Variants in TCF7L2 observed in about 807,000 individuals in gnomAD.
The protein encoded by TCF7L2 is transcription factor 7-like 2.
A neutral mutation model predicts 77.9 loss-of-function variants in TCF7L2; 23 were observed. The ratio of observed to expected loss-of-function variants is 0.30; its 90% CI spans 0.21 to 0.42. The LOEUF (loss-of-function observed/expected upper bound fraction) is 0.42. Among genes scored for constraint, TCF7L2 ranks in the 10% least tolerant of loss-of-function variants. TCF7L2 has a pLI of 1.00. For missense variants in TCF7L2, 654 were observed against 793.1 expected (o/e 0.82, Z 2.11); for synonymous variants, 413 against 340.2 (o/e 1.21, Z -2.36).
At chr10:113,093,423 G>A (rs2060606447) in intron 5 of TCF7L2, among the ~76,000 whole-genome samples, 1 of 152,204 alleles carries the variant, frequency 6.6e-6, no homozygotes, top group Non-Finnish European at 1.5e-5. Context: ...CTTGTTCAGG[G>A]AGAAGGTGTT....
chr10:113,082,677 A>C (rs2059431357), intron 5 of TCF7L2, among the ~76,000 whole-genome samples: 2 of 152,098 alleles, frequency 1.3e-5, no homozygotes, highest in South Asian at 4.2e-4. Context: ...TATTTTAATA[A>C]ATTTACCCTC....
intron 5 of TCF7L2, chr10:113,129,387 A>AG (rs1239249257): frequency 1.0e-6 from 1 of 992,552 alleles, no homozygotes; most frequent in African/African-American, 1.7e-5. Context: ...CGGGTGAGGG[A>AG]GGGGACTTTG....
chr10:113,152,518 T>G (rs1167748958), intron 11 of TCF7L2, 78 bp downstream of exon 11: 5 of 1,263,180 alleles, frequency 4.0e-6, no homozygotes, highest in Non-Finnish European at 5.6e-6. Context: ...GAACAGGACC[T>G]GCCACTTGAC....
chr10:113,074,666 G>A (rs995093587), intron 5 of TCF7L2, among the ~76,000 whole-genome samples: 1 of 152,130 alleles, frequency 6.6e-6, no homozygotes, highest in Non-Finnish European at 1.5e-5. Flanking sequence ...TGAATGGGAT[G>A]GTTTTAATGT....
intron 4 of TCF7L2, among the ~76,000 whole-genome samples, chr10:112,992,234 G>C (rs1026163509): frequency 1.3e-5 from 2 of 152,196 alleles, no homozygotes; most frequent in African/African-American, 4.8e-5. Flanking sequence ...CAAGCGCAGA[G>C]AAAGCTCTGC....
At chr10:113,129,377 C>T (rs778701224) in intron 5 of TCF7L2, 68 of 990,638 alleles carry the variant, frequency 6.9e-5, no homozygotes, top group South Asian at 1.4e-4. Context: ...CCCAAGGTAA[C>T]GGGTGAGGGA....
chr10:113,018,444 CTT>C (rs35916053), intron 4 of TCF7L2, among the ~76,000 whole-genome samples: 14 of 92,546 alleles, frequency 1.5e-4, no homozygotes, highest in Admixed American at 3.7e-4. Context: ...CTCCTGAGTC[CTT>C]TTTTTTTTTT....
At chr10:112,964,724 A>G (rs906164762) in intron 4 of TCF7L2, 100 bp downstream of exon 4, 1 of 810,792 alleles carries the variant, frequency 1.2e-6, no homozygotes, top group Admixed American at 2.4e-5. Flanking sequence ...AATGATGATG[A>G]TGATGATGAT....
At chr10:112,991,676 A>T (rs1285046382) in intron 4 of TCF7L2, among the ~76,000 whole-genome samples, 1 of 152,078 alleles carries the variant, frequency 6.6e-6, no homozygotes, top group East Asian at 1.9e-4. Context: ...GGCTTGTTAC[A>T]TATGGAGCAG....
chr10:113,165,285 G>A (rs1307781029), intron 13 of TCF7L2, among the ~76,000 whole-genome samples: 2 of 152,180 alleles, frequency 1.3e-5, no homozygotes, highest in South Asian at 2.1e-4. Flanking sequence ...GGGCATGGTG[G>A]GGCATGGGTG....
chr10:113,003,503 T>C (rs924561174), intron 4 of TCF7L2, among the ~76,000 whole-genome samples: 1 of 152,214 alleles, frequency 6.6e-6, no homozygotes, highest in Non-Finnish European at 1.5e-5. Flanking sequence ...TCTATTTCCC[T>C]GTCCCTGCCC....
intron 5 of TCF7L2, among the ~76,000 whole-genome samples, chr10:113,124,200 AAT>A (rs1491115570): frequency 2.3e-5 from 3 of 133,166 alleles, no homozygotes; most frequent in Non-Finnish European, 3.5e-5. Context: ...CCTTAAAAAA[AAT>A]TTTTTTTATG....
chr10:113,119,801 AT>A (rs1427228037), intron 5 of TCF7L2, among the ~76,000 whole-genome samples: 1 of 152,068 alleles, frequency 6.6e-6, no homozygotes, highest in Non-Finnish European at 1.5e-5. Flanking sequence ...AGTGCATCTG[AT>A]TATCTTCTGG....
At chr10:113,146,851 G>A (rs150077556) in intron 8 of TCF7L2, among the ~76,000 whole-genome samples, 11 of 151,976 alleles carry the variant, frequency 7.2e-5, no homozygotes, top group East Asian at 1.9e-4. Context: ...ATAGCCACAC[G>A]TGGCTGGTGC....
intron 5 of TCF7L2, among the ~76,000 whole-genome samples, chr10:113,110,965 G>A (rs991255056): frequency 2.8e-4 from 42 of 151,732 alleles, no homozygotes; most frequent in Non-Finnish European, 5.3e-4. Context: ...AGTCTGTAAT[G>A]TTCTCTGACC....
At position 112,950,449 on chromosome 10, in the gene TCF7L2, G is replaced by GTTT. The variant is rs74804400; in HGVS notation, c.-296_-294dup. On this transcript the variant is annotated 5_prime_UTR_variant, in exon 1 of 14. Transcript: ENST00000627217. Reference sequence around the variant, plus strand: ...TATCTGACTTCTTGTTGTTGTTGGTGTTTTTTTTTTTTTTACCCCCCTTTT... The same window carrying GTTT: ...TATCTGACTTCTTGTTGTTGTTGGTGTTTTTTTTTTTTTTTTTACCCCCCTTTT... The GTTT allele has an allele frequency of 7.7e-5, 15 of 195,174 alleles. No individual in the cohort carries two copies. Among genetic ancestry groups the GTTT allele is most frequent in the South Asian group, 1.0e-4 (1 of 9,768 alleles). The allele number at this position is 195,174 out of a possible 1,614,324, so 12.1% of individuals were successfully genotyped here.
chr10:113,019,652 CA>C (rs34337779), intron 4 of TCF7L2, among the ~76,000 whole-genome samples: 10,325 of 149,168 alleles, frequency 0.069, 366 homozygotes, highest in Non-Finnish European at 0.077. Flanking sequence ...TGTTTAGAGA[CA>C]AAAAAAAAGG....
chr10:112,966,352 T>G (rs1425801989), intron 4 of TCF7L2, among the ~76,000 whole-genome samples: 1 of 151,808 alleles, frequency 6.6e-6, no homozygotes, highest in Non-Finnish European at 1.5e-5. Context: ...GAGGCTGCAA[T>G]TGTTCTTTTT....
At chr10:113,140,747 T>C (rs1167901578) in intron 5 of TCF7L2, among the ~76,000 whole-genome samples, 5 of 152,180 alleles carry the variant, frequency 3.3e-5, no homozygotes, top group Admixed American at 2.6e-4. Flanking sequence ...GCCAGTTTCT[T>C]GTAAGTGGTG....
Sources: allele counts gnomAD v4.1 joint callset (sites outside exome capture counted in the v4.1 genomes callset), GRCh38; gene constraint gnomAD v4.1.1; transcripts MANE v1.5; gene names NCBI Gene and HGNC (gene_info 2026-07-23, HGNC 2026-07-21).